CHEK1: variants seen among roughly 807,000 people sequenced by gnomAD.
CHEK1 encodes checkpoint kinase 1.
A neutral mutation model predicts 60.2 loss-of-function variants in CHEK1; 32 were observed. The ratio of observed to expected loss-of-function variants is 0.53; its 90% confidence interval spans 0.40 to 0.71. CHEK1 has a LOEUF of 0.71. Among genes scored for constraint, CHEK1 ranks in the 30% least tolerant of loss-of-function variants. The pLI, the probability that CHEK1 is intolerant of heterozygous loss-of-function variation, is 0.00. For missense variants in CHEK1, 399 were observed against 564.6 expected (o/e 0.71, Z 2.97); for synonymous variants, 179 against 187.2 (o/e 0.96, Z 0.36).
intron 11 of CHEK1, among the ~76,000 whole-genome samples, chr11:125,652,471 T>C (rs1471866822): frequency 2.0e-5 from 3 of 152,196 alleles, no homozygotes; most frequent in African/African-American, 7.2e-5. Context: ...TTCCTCCCAT[T>C]ATGTTTTCAT....
At chr11:125,677,540 AGT>A (rs900302750), downstream of CHEK1, among the ~76,000 whole-genome samples, 2 of 152,122 alleles carry the variant, frequency 1.3e-5, no homozygotes, top group African/African-American at 4.8e-5. Context: ...TCTTATGGAG[AGT>A]GAAGTTGGAG....
chr11:125,673,429 C>G (rs1170974680), intron 13 of CHEK1, among the ~76,000 whole-genome samples: 3 of 151,806 alleles, frequency 2.0e-5, no homozygotes, highest in Non-Finnish European at 4.4e-5. Context: ...TCTCGATCTC[C>G]TGACCTTGTG....
At chr11:125,633,091 A>T in intron 5 of CHEK1, 72 bp from the exon 6 acceptor site, 1 of 1,381,634 alleles carries the variant, frequency 7.2e-7, no homozygotes, top group Non-Finnish European at 9.7e-7. Context: ...TTTCAGTAAA[A>T]CTTAATTCCT....
chr11:125,626,459 A>G (rs755070270), intron 1 of CHEK1: 2 of 464,884 alleles, frequency 4.3e-6, no homozygotes, highest in Non-Finnish European at 7.7e-6. Flanking sequence ...TTCGCCGGAA[A>G]GCATTTGTCT....
chr11:125,653,253 C>T lies in CHEK1; in HGVS notation c.1234-493C>T, dbSNP rs144905293. ...TTTTTGAGACAGGGTCTCGCTCTGTCGCCCATGCTAGAGTGCAGTGGCGCA... is the reference window on the plus strand; with the variant it reads ...TTTTTGAGACAGGGTCTCGCTCTGTTGCCCATGCTAGAGTGCAGTGGCGCA... On this transcript the variant is annotated intron_variant, in intron 11 of 12. Transcript: ENST00000438015. The surrounding 1 kb of genome is among the most constrained non-coding windows in gnomAD (Gnocchi z 4.3). Among the ~76,000 whole-genome samples the T allele has an allele frequency of 4.6e-5, 7 of 152,192 alleles. No individual in the cohort carries two copies. The highest frequency in any genetic ancestry group is 2.6e-4 in the Admixed American group (4 of 15,286).
intron 8 of CHEK1, among the ~76,000 whole-genome samples, chr11:125,640,346 C>T (rs1941238687): frequency 6.6e-6 from 1 of 151,960 alleles, no homozygotes; most frequent in African/African-American, 2.4e-5. Flanking sequence ...TCGAGACCAT[C>T]CTGGCTAACA....
intron 13 of CHEK1, among the ~76,000 whole-genome samples, chr11:125,673,013 C>T (rs1479135781): frequency 1.3e-5 from 2 of 152,080 alleles, no homozygotes; most frequent in Non-Finnish European, 2.9e-5. Context: ...CACTATCCTT[C>T]CTTTCCTTAC....
rs745916293 is a variant in CHEK1, at chr11:125,629,214, C to T, written c.290-18C>T. On this transcript the variant is annotated intron_variant, in intron 3 of 12. Transcript: ENST00000438015. ...TGATTATATTTAGTCAATAAACTTA[C>T]TTTCATATTTGTTTTAGAGCCAGAC... 3 of 1,612,898 alleles carry T rather than the reference C, an allele frequency of 1.9e-6. No homozygotes were observed. Among genetic ancestry groups the T allele is most frequent in the Non-Finnish European group, 2.5e-6 (3 of 1,178,954 alleles).
rs1174022234 is a variant in CHEK1, at chr11:125,676,064, C to T, written c.*164C>T. ...CTGGGATTACAGGTGCCCACCACCA[C>T]ACCTGGCTAGGTTTTGTATTTTTAG... On this transcript the variant is annotated 3_prime_UTR_variant, in exon 14 of 14. Coordinates refer to the CHEK1 transcript ENST00000428830. 2.7e-5 allele frequency: 7 copies of T among 260,020 alleles called. No homozygotes were observed. In the South Asian group the frequency reaches 4.3e-4, roughly 16 times the overall value. 16.1% of individuals were successfully genotyped at this position (260,020 alleles called of 1,614,324 possible). A position where few individuals can be genotyped will look rare whatever the true frequency, so the allele number is the denominator to read the frequency against.
At chr11:125,667,833 C>T (rs771553591) in intron 13 of CHEK1, among the ~76,000 whole-genome samples, 3 of 152,110 alleles carry the variant, frequency 2.0e-5, no homozygotes, top group Non-Finnish European at 4.4e-5. Flanking sequence ...GTTGGCCAGG[C>T]TGGTCTCGAT....
chr11:125,665,574 G>A (rs376708992), intron 13 of CHEK1, among the ~76,000 whole-genome samples: 2 of 151,926 alleles, frequency 1.3e-5, no homozygotes, highest in Non-Finnish European at 2.9e-5. Flanking sequence ...TTCTTTAAAC[G>A]TTTGATAGAA....
chr11:125,640,414 G>A (rs1309275098), intron 8 of CHEK1, among the ~76,000 whole-genome samples: 3 of 151,936 alleles, frequency 2.0e-5, no homozygotes, highest in Non-Finnish European at 4.4e-5. Context: ...GGTGGCGGTC[G>A]CCTGTAGTCC....
rs1199154046 is a variant in CHEK1 at position 125,625,868 on chromosome 11, A to G, written c.-165A>G. Reference sequence around the variant, plus strand: ...CCACGTCACCCTTTTGGAGCCGCCGACATTCAGAGGGGCAGGACACGGGAA... The same window carrying G: ...CCACGTCACCCTTTTGGAGCCGCCGGCATTCAGAGGGGCAGGACACGGGAA... On this transcript the variant is annotated 5_prime_UTR_variant, in exon 1 of 13. Transcript: ENST00000438015. 1 of 702,624 alleles carries G rather than the reference A, an allele frequency of 1.4e-6. No individual in the cohort carries two copies. The highest frequency in any genetic ancestry group is 2.6e-6 in the Non-Finnish European group (1 of 385,010). 43.5% of individuals were successfully genotyped at this position (702,624 alleles called of 1,614,324 possible). A position where few individuals can be genotyped will look rare whatever the true frequency, so the allele number is the denominator to read the frequency against.
chr11:125,680,680 T>A, downstream of CHEK1: 2 of 1,551,524 alleles, frequency 1.3e-6, no homozygotes, highest in Non-Finnish European at 1.8e-6. Flanking sequence ...TGAAATGTCT[T>A]AAGGGAGACC....
chr11:125,644,479 G>T (rs1433040348), intron 10 of CHEK1, 33 bp from the exon 11 acceptor site: 1 of 1,606,936 alleles, frequency 6.2e-7, no homozygotes, highest in South Asian at 1.1e-5. Flanking sequence ...AGTCCTAATG[G>T]ATTTATTCAT....
chr11:125,669,316 A>G (rs895418635), intron 13 of CHEK1, among the ~76,000 whole-genome samples: 1 of 152,132 alleles, frequency 6.6e-6, no homozygotes, highest in Middle Eastern at 3.2e-3. Flanking sequence ...CATTCTGCTG[A>G]CAGTATTTTC....
intron 13 of CHEK1, among the ~76,000 whole-genome samples, chr11:125,670,555 A>T (rs1159495421): frequency 6.6e-6 from 1 of 151,962 alleles, no homozygotes; most frequent in Non-Finnish European, 1.5e-5. Context: ...CAGCTTTCAG[A>T]TGTTATTGTT....
chr11:125,636,992 T>G (rs1257652840), intron 7 of CHEK1, among the ~76,000 whole-genome samples: 1 of 152,190 alleles, frequency 6.6e-6, no homozygotes, highest in Admixed American at 6.5e-5. Context: ...GATACGTGAA[T>G]TTTTTCTCAA....
intron 13 of CHEK1, among the ~76,000 whole-genome samples, chr11:125,675,175 G>A (rs769128996): frequency 5.3e-5 from 8 of 152,170 alleles, no homozygotes; most frequent in Non-Finnish European, 1.2e-4. Flanking sequence ...TGATTGTAAT[G>A]TACAAACAAG....
Sources: gnomAD v4.1 joint callset for allele counts (sites outside exome capture counted in the v4.1 genomes callset) on GRCh38, gnomAD v4.1.1 for gene constraint, Gnocchi (gnomAD v3.1) non-coding constraint, MANE v1.5 for transcripts, NCBI Gene and HGNC (gene_info 2026-07-23, HGNC 2026-07-21) for gene names.